ZNF766: variants seen among roughly 807,000 people sequenced by gnomAD.
The protein encoded by ZNF766 is zinc finger protein 766.
ZNF766 carries 13 observed loss-of-function variants against 13.2 expected under a neutral mutation model. The observed-to-expected ratio is 0.98, with a 90% confidence interval of 0.64 to 1.56. The LOEUF (loss-of-function observed/expected upper bound fraction) is 1.56, where lower values mean the gene tolerates loss of function less well. Ranked by LOEUF, ZNF766 falls within the 40% of genes most tolerant of loss-of-function variation. The probability of loss-of-function intolerance (pLI) is 0.00; values close to 1 mark genes in which losing one functional copy is unlikely to be tolerated. For missense variants in ZNF766, 521 were observed against 552.2 expected, an observed-to-expected ratio of 0.94 and a Z score of 0.57; for synonymous variants, 178 against 187.6, an observed-to-expected ratio of 0.95 and a Z score of 0.42.
intron 3 of ZNF766, among the ~76,000 whole-genome samples, chr19:52,285,783 A>G (rs1981787594): frequency 6.6e-6 from 1 of 152,220 alleles, no homozygotes; most frequent in African/African-American, 2.4e-5. Flanking sequence ...GGGGAAAGTT[A>G]GAGTCCTGCC....
At position 52,290,560 on chromosome 19, in the gene ZNF766, T is replaced by C; in HGVS notation, c.769T>C (p.Tyr257His). Residue 257 changes from tyrosine (Y) to histidine (H), a missense_variant, in exon 4 of 4, where the codon TAC becomes CAC. Coordinates refer to ENST00000439461, the MANE Select transcript of ZNF766 (RefSeq NM_001010851.3). Reference protein sequence around the residue: ...ECGKLFNRIAYLARHEKVHTG... With the variant: ...ECGKLFNRIAHLARHEKVHTG... ...TGGCAAGCTCTTCAATCGAATTGCA[T>C]ACCTTGCACGACACGAGAAAGTGCA... 1 of 1,614,134 alleles carries C rather than the reference T, an allele frequency of 6.2e-7. No individual in the cohort carries two copies. The highest frequency in any genetic ancestry group is 8.5e-7 in the Non-Finnish European group (1 of 1,179,996).
chr19:52,290,220 T>A lies in ZNF766; in HGVS notation c.429T>A (p.Ser143Arg). ...AAGTTCAAAAGTTCATCAGCCACAG[T>A]TCTTCAGTTTCGCCACTTCAAAGAA... ...CNQVQKFISH[S>R]SSVSPLQRIY... The change falls in exon 4 of 4, where the codon AGT becomes AGA. Residue 143 changes from serine (S) to arginine (R), a missense_variant. Coordinates refer to ENST00000439461, the MANE Select transcript of ZNF766 (RefSeq NM_001010851.3). The A allele has an allele frequency of 6.2e-7, 1 of 1,614,054 alleles. No individual in the cohort carries two copies. The highest frequency in any genetic ancestry group is 1.1e-5 in the South Asian group (1 of 91,090).
intron 3 of ZNF766, among the ~76,000 whole-genome samples, chr19:52,283,983 G>A (rs943166355): frequency 6.6e-6 from 1 of 152,170 alleles, no homozygotes; most frequent in East Asian, 1.9e-4. Context: ...TGATCCGCCC[G>A]CCTTGGCCTC....
At chr19:52,272,278 A>G (rs574769839) in intron 1 of ZNF766, among the ~76,000 whole-genome samples, 2 of 152,062 alleles carry the variant, frequency 1.3e-5, no homozygotes, top group East Asian at 3.9e-4. Flanking sequence ...TGAATTTCCT[A>G]TCCTCATCTT....
intron 3 of ZNF766, among the ~76,000 whole-genome samples, chr19:52,288,918 T>C (rs1243630556): frequency 6.6e-6 from 1 of 152,194 alleles, no homozygotes; most frequent in Non-Finnish European, 1.5e-5. Flanking sequence ...CGATCTCGGC[T>C]CACTGCAACC....
At chr19:52,285,417 A>G (rs1981766206) in intron 3 of ZNF766, among the ~76,000 whole-genome samples, 1 of 152,194 alleles carries the variant, frequency 6.6e-6, no homozygotes, top group Non-Finnish European at 1.5e-5. Flanking sequence ...ACTTCTGACC[A>G]ACTGGCTTCC....
intron 3 of ZNF766, among the ~76,000 whole-genome samples, chr19:52,288,971 C>T (rs991396954): frequency 1.3e-4 from 20 of 152,076 alleles, no homozygotes; most frequent in African/African-American, 4.8e-4. Context: ...GCCTCAGCCT[C>T]CTGAGTAGCT....
chr19:52,271,667 A>G (rs1370612147), intron 1 of ZNF766, among the ~76,000 whole-genome samples: 1 of 152,208 alleles, frequency 6.6e-6, no homozygotes, highest in Non-Finnish European at 1.5e-5. Flanking sequence ...GAAAACACAC[A>G]CAGACACACT....
At chr19:52,271,789 A>G (rs1426732994) in intron 1 of ZNF766, among the ~76,000 whole-genome samples, 4 of 152,094 alleles carry the variant, frequency 2.6e-5, no homozygotes, top group African/African-American at 9.7e-5. Context: ...GTGAAACCCC[A>G]TGTCTACTAA....
At chr19:52,284,413 G>A (rs1981708891) in intron 3 of ZNF766, among the ~76,000 whole-genome samples, 1 of 152,180 alleles carries the variant, frequency 6.6e-6, no homozygotes, top group Non-Finnish European at 1.5e-5. Context: ...GAAACTGCAT[G>A]GAGCTGTTTC....
In ZNF766 at chr19:52,291,297, A is replaced by G. The variant is rs562170274; in HGVS notation, c.*99A>G. 7.7e-6 allele frequency: 9 copies of G among 1,172,402 alleles called. No individual in the cohort carries two copies. In the East Asian group the frequency reaches 1.9e-4, roughly 25 times the overall value. 72.6% of individuals were successfully genotyped at this position (1,172,402 alleles called of 1,614,324 possible). On this transcript the variant is annotated 3_prime_UTR_variant, in exon 4 of 4. Coordinates refer to ENST00000439461, the MANE Select transcript of ZNF766 (RefSeq NM_001010851.3). ...ATGTACTATATGTGGCACAGGCTGT[A>G]TCGAGACCTACCAAATCACTAGACA...
Position 52,294,576 on chromosome 19 carries a change from CCCACTTGTGGTTTGAACTTTCAGCTG to C in ZNF766, c.*3379_*3404del, listed in dbSNP as rs1982274087. ...AAGGGATAGGGCTTGGGCAGGGGTG[CCCACTTGTGGTTTGAACTTTCAGCTG>C]GTGCCAAAGGAGTGGGCACTGAGGA... is the stretch of plus-strand genomic sequence containing the variant. On this transcript the variant is annotated 3_prime_UTR_variant, in exon 4 of 4. Transcript: ENST00000439461. The C allele has an allele frequency of 6.6e-6, 1 of 152,134 alleles. No homozygotes were observed. The highest frequency in any genetic ancestry group is 2.4e-5 in the African/African-American group (1 of 41,410). 9.4% of individuals were successfully genotyped at this position (152,134 alleles called of 1,614,324 possible). A position where few individuals can be genotyped will look rare whatever the true frequency, so the allele number is the denominator to read the frequency against.
In ZNF766 at chr19:52,292,225, G is replaced by C. The variant is rs1568624650; in HGVS notation, c.*1027G>C. The C allele has an allele frequency of 1.4e-6, 1 of 700,510 alleles. No individual in the cohort carries two copies. Among genetic ancestry groups the C allele is most frequent in the South Asian group, 1.5e-5 (1 of 67,076 alleles). The allele number at this position is 700,510 out of a possible 1,614,324, so 43.4% of individuals were successfully genotyped here. A position where few individuals can be genotyped will look rare whatever the true frequency, so the allele number is the denominator to read the frequency against. ...ATTAGATGAGGAGCGTTTCTATCCA[G>C]TTTCCTGGAGGAATAAGGACACTGC... is the stretch of plus-strand genomic sequence containing the variant. On this transcript the variant is annotated 3_prime_UTR_variant, in exon 4 of 4. Transcript: ENST00000439461.
At position 52,293,339 on chromosome 19, in the gene ZNF766, A is replaced by G. The variant is rs1982231920; in HGVS notation, c.*2141A>G. 1 of 151,610 alleles carries G rather than the reference A, an allele frequency of 6.6e-6. No homozygotes were observed. The highest frequency in any genetic ancestry group is 6.6e-5 in the Admixed American group (1 of 15,204). 9.4% of individuals were successfully genotyped at this position (151,610 alleles called of 1,614,324 possible). On this transcript the variant is annotated 3_prime_UTR_variant, in exon 4 of 4. Transcript: ENST00000439461. ...AGGCATGCACCACCATACCCGGCTAATTTTTTTGTATTTTTAGTAGAGATG... is the reference window on the plus strand; with the variant it reads ...AGGCATGCACCACCATACCCGGCTAGTTTTTTTGTATTTTTAGTAGAGATG...
chr19:52,279,789 CTTTTTTTTTTT>C (rs984101828), intron 1 of ZNF766, among the ~76,000 whole-genome samples: 6 of 64,866 alleles, frequency 9.2e-5, no homozygotes, highest in African/African-American at 2.1e-4. Context: ...TTTACCTTTT[CTTTTTTTTTTT>C]TTTTTTTTTT....
intron 3 of ZNF766, chr19:52,284,923 G>A (rs1981735149): frequency 6.6e-6 from 1 of 152,038 alleles, no homozygotes; most frequent in Non-Finnish European, 1.5e-5. Flanking sequence ...TTCAGCATGT[G>A]GAAGCTCTCA....
chr19:52,273,927 G>A (rs1045391516), intron 1 of ZNF766, among the ~76,000 whole-genome samples: 12 of 152,306 alleles, frequency 7.9e-5, no homozygotes, highest in African/African-American at 2.6e-4. Context: ...ACATACTCAG[G>A]TTGGGCCCAG....
intron 3 of ZNF766, among the ~76,000 whole-genome samples, chr19:52,285,765 A>G (rs1981786389): frequency 6.6e-6 from 1 of 152,174 alleles, no homozygotes. Context: ...CCGCAATCAG[A>G]AAGGTAGGGG....
intron 1 of ZNF766, among the ~76,000 whole-genome samples, chr19:52,270,193 T>C (rs61748310): frequency 3.9e-4 from 59 of 152,214 alleles, no homozygotes; most frequent in African/African-American, 1.2e-3. Flanking sequence ...ATTCCTCCCA[T>C]TGGAAACTGT....
Sources: allele counts gnomAD v4.1 joint callset (sites outside exome capture counted in the v4.1 genomes callset), GRCh38; gene constraint gnomAD v4.1.1; transcripts MANE v1.5; gene names NCBI Gene and HGNC (gene_info 2026-07-23, HGNC 2026-07-21).